FHDC1: variants seen among roughly 807,000 people sequenced by gnomAD.
FHDC1 encodes FH2 domain containing 1, also known as FH2 domain-containing protein 1.
A neutral mutation model predicts 52.6 loss-of-function variants in FHDC1; 25 were observed. The ratio of observed to expected loss-of-function variants is 0.48; its 90% confidence interval spans 0.35 to 0.66. The LOEUF (loss-of-function observed/expected upper bound fraction) is 0.66. FHDC1 is among the 30% of genes least tolerant of loss of function. The pLI is 0.01. For synonymous variants in FHDC1, 616 were observed against 581.5 expected, an observed-to-expected ratio of 1.06 and a Z score of -0.85; for missense variants, 1,459 against 1,452.8, an observed-to-expected ratio of 1.00 and a Z score of -0.07.
intron 2 of FHDC1, 129 bp from the exon 3 acceptor site, chr4:152,953,370 C>T: frequency 1.3e-5 from 9 of 672,660 alleles, no homozygotes; most frequent in South Asian, 8.3e-5. Flanking sequence ...TGTTAATCAC[C>T]AGATTTATAC....
intron 8 of FHDC1, among the ~76,000 whole-genome samples, chr4:152,964,482 C>T (rs907939055): frequency 6.6e-6 from 1 of 152,150 alleles, no homozygotes; most frequent in Non-Finnish European, 1.5e-5. Context: ...ACCTCCTGAA[C>T]AGGTGAAGAA....
chr4:152,974,760 G>A lies in FHDC1; in HGVS notation c.1469G>A (p.Gly490Glu), dbSNP rs202015131. 2 of 1,529,556 alleles carry A rather than the reference G, an allele frequency of 1.3e-6. No individual in the cohort carries two copies. Among genetic ancestry groups the A allele is most frequent in the Non-Finnish European group, 1.8e-6 (2 of 1,137,084 alleles). 94.7% of individuals were successfully genotyped at this position (1,529,556 alleles called of 1,614,324 possible). ...CAGAAGCAGCGCTCCTGGGCAACTGGGGAGCTGGGGGCATTTGGCCGGAGC... is the reference window on the plus strand; with the variant it reads ...CAGAAGCAGCGCTCCTGGGCAACTGAGGAGCTGGGGGCATTTGGCCGGAGC... ...QEQKQRSWAT[G>E]ELGAFGRSSS... The change falls in exon 12 of 12, where the codon GGG becomes GAG. Residue 490 changes from glycine to glutamate, a missense_variant. Gly to Glu is a moderately conservative substitution (Grantham distance 98, BLOSUM62 -2). Coordinates refer to ENST00000511601, the MANE Select transcript of FHDC1 (RefSeq NM_001371116.1).
At position 152,975,013 on chromosome 4, in the gene FHDC1, C is replaced by G. The variant is rs1489438586; in HGVS notation, c.1722C>G (p.Ser574Arg). 1 of 1,612,608 alleles carries G rather than the reference C, an allele frequency of 6.2e-7. No homozygotes were observed. Among genetic ancestry groups the G allele is most frequent in the South Asian group, 1.1e-5 (1 of 91,080 alleles). ...ATAAGTTCCACAGCCTGCCCCGGAGCAGCCCCCGGCAGGCCCGGCCCACGA... is the reference window on the plus strand; with the variant it reads ...ATAAGTTCCACAGCCTGCCCCGGAGGAGCCCCCGGCAGGCCCGGCCCACGA... Reference protein sequence around the residue: ...EPNKFHSLPRSSPRQARPTIA... With the variant: ...EPNKFHSLPRRSPRQARPTIA... Residue 574 changes from serine to arginine, a missense_variant, in exon 12 of 12, where the codon AGC (serine) becomes AGG (arginine). Coordinates refer to ENST00000511601, the MANE Select transcript of FHDC1 (RefSeq NM_001371116.1).
intron 8 of FHDC1, among the ~76,000 whole-genome samples, chr4:152,963,614 T>C (rs1162776439): frequency 1.3e-5 from 2 of 151,530 alleles, no homozygotes; most frequent in Non-Finnish European, 2.9e-5. Context: ...GGACAGAGAA[T>C]AGAGGATGGA....
chr4:152,951,655 T>TA (rs1303666794), intron 2 of FHDC1, among the ~76,000 whole-genome samples: 5 of 152,214 alleles, frequency 3.3e-5, no homozygotes, highest in African/African-American at 1.2e-4. Flanking sequence ...ATCAGGAATT[T>TA]AGCCTGAAAC....
the FHDC1 span, among the ~76,000 whole-genome samples, chr4:152,928,382 A>G: frequency 6.6e-6 from 1 of 152,166 alleles, no homozygotes; most frequent in Non-Finnish European, 1.5e-5. Flanking sequence ...TGTGGCCTGA[A>G]TCGTGTTTGG....
At chr4:152,926,267 G>GACACACACACAC in the FHDC1 span, among the ~76,000 whole-genome samples, 158 of 144,532 alleles carry the variant, frequency 1.1e-3, no homozygotes, top group African/African-American at 1.8e-3. Flanking sequence ...TTAAAATACA[G>GACACACACACAC]ACACACACAC....
At chr4:152,955,829 C>T (rs1740067587) in intron 4 of FHDC1, among the ~76,000 whole-genome samples, 1 of 152,248 alleles carries the variant, frequency 6.6e-6, no homozygotes, top group Admixed American at 6.5e-5. Context: ...ATCCTTTTCA[C>T]AGGCACTTCT....
At chr4:152,961,167 G>A (rs942667492) in intron 6 of FHDC1, among the ~76,000 whole-genome samples, 4 of 152,158 alleles carry the variant, frequency 2.6e-5, no homozygotes, top group African/African-American at 9.7e-5. Context: ...TGTGGTGTGT[G>A]CATGTGTGGT....
In FHDC1 at chr4:152,976,045, G is replaced by T; in HGVS notation, c.2754G>T (p.Arg918Ser). 6.3e-7 allele frequency: 1 copy of T among 1,577,668 alleles called. No homozygotes were observed. Among genetic ancestry groups the T allele is most frequent in the Non-Finnish European group, 8.6e-7 (1 of 1,165,432 alleles). The change falls in exon 12 of 12, where the codon AGG (arginine) becomes AGT (serine). Residue 918 changes from arginine (R) to serine (S), a missense_variant. Arg to Ser is a moderately radical substitution (Grantham distance 110, BLOSUM62 -1). This residue lies in a region of FHDC1 where 939 missense variants were observed against 854.5 expected (regional missense o/e 1.10). Transcript: ENST00000511601. ...AGTCCAGCAGAGGCGCCGGCTGGAG[G>T]CGACCAGAGCTGTCATCCCGGGGGC... ...ITKSSRGAGW[R>S]RPELSSRGPS...
At chr4:152,956,599 C>T (rs527638521) in intron 4 of FHDC1, among the ~76,000 whole-genome samples, 1 of 152,196 alleles carries the variant, frequency 6.6e-6, no homozygotes, top group East Asian at 1.9e-4. Context: ...AAAACCCATC[C>T]AGGCACTGCC....
chr4:152,925,713 CTT>C, the FHDC1 span, among the ~76,000 whole-genome samples: 25 of 142,988 alleles, frequency 1.7e-4, no homozygotes, highest in Non-Finnish European at 1.2e-4. Context: ...GTGCATCCTC[CTT>C]TTTTTTTTTT....
chr4:152,936,766 A>G (rs758476741), intron 1 of FHDC1, among the ~76,000 whole-genome samples: 3 of 152,256 alleles, frequency 2.0e-5, no homozygotes, highest in Non-Finnish European at 2.9e-5. Context: ...GCGGTTGACT[A>G]TTAGTCGTGG....
At chr4:152,974,393 T>C (rs60751487) in intron 11 of FHDC1, among the ~76,000 whole-genome samples, 8,909 of 151,620 alleles carry the variant, frequency 0.059, 371 homozygotes, top group African/African-American at 0.11. Context: ...AAGGATCGGA[T>C]AAAAACTGTA....
At chr4:152,953,313 G>A (rs748032678) in intron 2 of FHDC1, among the ~76,000 whole-genome samples, 186 bp from the exon 3 acceptor site, 4 of 152,018 alleles carry the variant, frequency 2.6e-5, no homozygotes, top group Non-Finnish European at 5.9e-5. Flanking sequence ...AGAAAGTTTG[G>A]GGAGATGATA....
chr4:152,958,607 C>G lies in FHDC1; in HGVS notation c.664-1958C>G, dbSNP rs139406756. ...CCGAGTTTACTTAGCATGACCTGTT[C>G]TTACACTTTAGACTGAAAACCATGC... On this transcript the variant is annotated intron_variant, in intron 4 of 11. Transcript: ENST00000511601. 4.2e-3 allele frequency among the ~76,000 whole-genome samples: 646 copies of G among 152,294 alleles called. 1 individual carries two copies. Among genetic ancestry groups the G allele is most frequent in the African/African-American group, 0.015 (606 of 41,554 alleles).
chr4:152,922,656 A>C, the FHDC1 span, among the ~76,000 whole-genome samples: 1 of 152,020 alleles, frequency 6.6e-6, no homozygotes, highest in Non-Finnish European at 1.5e-5. Context: ...AAGCTTATCC[A>C]CCATGATCAA....
At chr4:152,922,841 A>T in the FHDC1 span, among the ~76,000 whole-genome samples, 4 of 151,856 alleles carry the variant, frequency 2.6e-5, no homozygotes, top group South Asian at 8.3e-4. Context: ...TAAATTAGGT[A>T]TTGATGGGAC....
chr4:152,964,690 A>T (rs1740406728), intron 8 of FHDC1, among the ~76,000 whole-genome samples: 1 of 152,226 alleles, frequency 6.6e-6, no homozygotes, highest in Admixed American at 6.5e-5. Flanking sequence ...TTTTGTGTCA[A>T]GATCAATTGC....
Sources: gnomAD v4.1 joint callset for allele counts (sites outside exome capture counted in the v4.1 genomes callset) on GRCh38, gnomAD v4.1.1 for gene constraint, gnomAD v4.1.1 regional missense constraint, MANE v1.5 for transcripts, NCBI Gene and HGNC (gene_info 2026-07-23, HGNC 2026-07-21) for gene names.